APP: variants seen among roughly 807,000 people sequenced by gnomAD.
APP encodes the protein amyloid-beta precursor protein.
A neutral mutation model predicts 101.4 loss-of-function variants in APP; 31 were observed. The observed-to-expected ratio is 0.31, with a 90% CI of 0.23 to 0.41. APP has a LOEUF of 0.41. Ranked by LOEUF, APP falls within the 10% of genes least tolerant of loss-of-function variation. APP has a pLI of 1.00. For missense variants in APP, 839 were observed against 1,003.7 expected (o/e 0.84, Z 2.22); for synonymous variants, 366 against 364.4 (o/e 1.00, Z -0.05).
At position 26,054,626 on chromosome 21, in the gene APP, T is replaced by C. The variant is rs867794175; in HGVS notation, c.356-1278A>G. 1.7e-3 allele frequency among the ~76,000 whole-genome samples: 218 copies of C among 126,190 alleles called. 2 individuals carry two copies. Among genetic ancestry groups the C allele is most frequent in the African/African-American group, 5.9e-3 (208 of 35,296 alleles). 82.8% of individuals were successfully genotyped at this position (126,190 alleles called of 152,430 possible). On this transcript the variant is annotated intron_variant, in intron 3 of 17. Transcript: ENST00000346798. ...GAAGCAACATAGGCCAAAAGTTTTTTTTTTTTTTTTTTTTTTTTTAAGATA... is the reference window on the plus strand; with the variant it reads ...GAAGCAACATAGGCCAAAAGTTTTTCTTTTTTTTTTTTTTTTTTTAAGATA...
Position 25,911,830 on chromosome 21 carries a change from A to G in APP, c.1820T>C (p.Leu607Pro), listed in dbSNP as rs747684890. 3.1e-6 allele frequency: 5 copies of G among 1,613,782 alleles called. 1 individual carries two copies. The South Asian group carries it at 5.5e-5, about 18-fold the overall frequency. ...LTETKTTVEL[L>P]PVNGEFSLDD... ...CAGGCTGAACTCTCCATTCACGGGA[A>G]GGAGCTCCACGGTGGTTTTCGTTTC... Residue 607 changes from leucine (L) to proline (P), a missense_variant, in exon 14 of 18, where the codon CTT becomes CCT. By Grantham distance (98) the Leu-to-Pro change is moderately conservative. Coordinates refer to ENST00000346798, the MANE Select transcript of APP (RefSeq NM_000484.4).
intron 1 of APP, among the ~76,000 whole-genome samples, chr21:26,130,976 T>C (rs908989943): frequency 2.0e-5 from 3 of 152,190 alleles, no homozygotes; most frequent in African/African-American, 7.2e-5. Flanking sequence ...CCGCCTGTAA[T>C]CCCAGCACTT....
chr21:25,967,855 T>C (rs2041854554), intron 11 of APP, among the ~76,000 whole-genome samples: 2 of 152,212 alleles, frequency 1.3e-5, no homozygotes, highest in Admixed American at 1.3e-4. Context: ...TGCTTAGCTT[T>C]AAGTATTTAA....
intron 13 of APP, among the ~76,000 whole-genome samples, chr21:25,930,163 G>C (rs1181989893): frequency 6.6e-6 from 1 of 152,148 alleles, no homozygotes; most frequent in Non-Finnish European, 1.5e-5. Context: ...TGCAGGCTGT[G>C]GGTACAACTC....
chr21:25,894,647 T>C (rs2037912828), intron 16 of APP, among the ~76,000 whole-genome samples: 1 of 152,220 alleles, frequency 6.6e-6, no homozygotes, highest in South Asian at 2.1e-4. Flanking sequence ...CAAACTTGAA[T>C]GGATGAGGAG....
Position 25,880,930 on chromosome 21 carries a change from GCACC to G in APP, c.*736_*739del, listed in dbSNP as rs2036946136. On this transcript the variant is annotated 3_prime_UTR_variant, in exon 18 of 18. Coordinates refer to ENST00000346798, the MANE Select transcript of APP (RefSeq NM_000484.4). ...TTCTTGGTAATTGAAGACCAGCAGA[GCACC>G]CCTCCCCACCCGCCCCGTAAAAGTG... 6.6e-6 allele frequency: 1 copy of G among 152,596 alleles called. No homozygotes were observed. The highest frequency in any genetic ancestry group is 2.1e-4 in the South Asian group (1 of 4,810). The allele number at this position is 152,596 out of a possible 1,614,324, so 9.5% of individuals were successfully genotyped here. A position where few individuals can be genotyped will look rare whatever the true frequency, so the allele number is the denominator to read the frequency against.
intron 1 of APP, among the ~76,000 whole-genome samples, chr21:26,114,670 C>A (rs1253686014): frequency 6.6e-6 from 1 of 152,144 alleles, no homozygotes; most frequent in Non-Finnish European, 1.5e-5. Context: ...GATCACCCTA[C>A]CTGACAAACC....
intron 8 of APP, among the ~76,000 whole-genome samples, chr21:25,994,609 T>A (rs760124184): frequency 6.6e-6 from 1 of 152,236 alleles, no homozygotes; most frequent in Non-Finnish European, 1.5e-5. Flanking sequence ...CTTTCACATT[T>A]GTTATTTGAC....
intron 13 of APP, chr21:25,945,398 T>TTTTTTC (rs2040769479): frequency 6.9e-6 from 1 of 145,112 alleles, no homozygotes; most frequent in Admixed American, 6.8e-5. Flanking sequence ...TTTTTTTTTT[T>TTTTTTC]TTTTGCAGAA....
Position 26,003,596 on chromosome 21 carries a change from G to A in APP, c.866-3414C>T, listed in dbSNP as rs183058767. 6.6e-5 allele frequency among the ~76,000 whole-genome samples: 10 copies of A among 152,344 alleles called. No homozygotes were observed. The East Asian group carries it at 1.5e-3, about 23-fold the overall frequency. ...TACATAATGTATGGAGAAGATGTAC[G>A]TGAGGCTGGAAGAACAGGACTGACA... On this transcript the variant is annotated intron_variant, in intron 6 of 17. Coordinates refer to ENST00000346798, the MANE Select transcript of APP (RefSeq NM_000484.4).
At chr21:25,920,436 T>C (rs2039574517) in intron 13 of APP, among the ~76,000 whole-genome samples, 1 of 152,048 alleles carries the variant, frequency 6.6e-6, no homozygotes, top group South Asian at 2.1e-4. Context: ...GACTGGCAAG[T>C]TGGATAAAGA....
At chr21:25,985,133 G>T (rs544934922) in intron 8 of APP, among the ~76,000 whole-genome samples, 1 of 152,286 alleles carries the variant, frequency 6.6e-6, no homozygotes, top group East Asian at 1.9e-4. Flanking sequence ...TGAATGTGAG[G>T]TATGTTTAAT....
chr21:25,976,134 A>G lies in APP; in HGVS notation c.1225-106T>C, dbSNP rs3737414. ...TTTTCCTCTATTTTTGTCATTTTAGATATTTAAAAAATTTATTACATACCC... is the reference window on the plus strand; with the variant it reads ...TTTTCCTCTATTTTTGTCATTTTAGGTATTTAAAAAATTTATTACATACCC... On this transcript the variant is annotated intron_variant, in intron 9 of 17. Transcript: ENST00000346798. 0.22 allele frequency: 215,463 copies of G among 966,352 alleles called. 27,615 individuals are homozygous for G. Among genetic ancestry groups the G allele is most frequent in the East Asian group, 0.42 (15,958 of 38,206 alleles). 59.9% of individuals were successfully genotyped at this position (966,352 alleles called of 1,614,324 possible). A position where few individuals can be genotyped will look rare whatever the true frequency, so the allele number is the denominator to read the frequency against.
chr21:26,084,280 C>G (rs1239990812), intron 3 of APP, among the ~76,000 whole-genome samples: 1 of 146,256 alleles, frequency 6.8e-6, no homozygotes, highest in Non-Finnish European at 1.5e-5. Context: ...GCTCTGTCCC[C>G]CAGGCTGGAG....
chr21:25,886,673 G>A (rs566896571), intron 17 of APP, among the ~76,000 whole-genome samples: 12 of 152,270 alleles, frequency 7.9e-5, no homozygotes, highest in African/African-American at 2.6e-4. Flanking sequence ...GGGATTACAG[G>A]TGTGAGCCAC....
At chr21:26,036,566 C>G (rs915176122) in intron 5 of APP, among the ~76,000 whole-genome samples, 1 of 152,118 alleles carries the variant, frequency 6.6e-6, no homozygotes, top group African/African-American at 2.4e-5. Context: ...ACTTGCCTGT[C>G]AACTAATACT....
chr21:26,101,248 G>A (rs1379414402), intron 2 of APP, among the ~76,000 whole-genome samples: 5 of 151,712 alleles, frequency 3.3e-5, no homozygotes, highest in African/African-American at 4.8e-5. Context: ...ACAGGCGTGC[G>A]CCACCATGCC....
intron 5 of APP, among the ~76,000 whole-genome samples, chr21:26,035,143 G>T (rs908098472): frequency 6.6e-6 from 1 of 151,954 alleles, no homozygotes; most frequent in Non-Finnish European, 1.5e-5. Flanking sequence ...AAAAAAATTA[G>T]CCAGGTGCAG....
In APP at chr21:25,987,365, G is replaced by A. The variant is rs568339100; in HGVS notation, c.1091-4888C>T. On this transcript the variant is annotated intron_variant, in intron 8 of 17. Coordinates refer to ENST00000346798, the MANE Select transcript of APP (RefSeq NM_000484.4). ...AGACTTAAAACGAGACAAAACACAG[G>A]GTTCAATATCCTTAGCTCTAGGTTT... Among the ~76,000 whole-genome samples the A allele has an allele frequency of 5.9e-5, 9 of 152,222 alleles. No homozygotes were observed. In the South Asian group the frequency reaches 1.5e-3, roughly 25 times the overall value.
Sources: gnomAD v4.1 joint callset for allele counts (sites outside exome capture counted in the v4.1 genomes callset) on GRCh38, gnomAD v4.1.1 for gene constraint, MANE v1.5 for transcripts, NCBI Gene and HGNC (gene_info 2026-07-23, HGNC 2026-07-21) for gene names.